Variants in CBR4 observed in about 807,000 individuals in gnomAD.
The protein encoded by CBR4 is carbonyl reductase 4, also known as 3-oxoacyl-[acyl-carrier-protein] reductase.
A neutral mutation model predicts 21.0 loss-of-function variants in CBR4; 22 were observed. The ratio of observed to expected loss-of-function variants is 1.05; its 90% confidence interval spans 0.75 to 1.50. The LOEUF (loss-of-function observed/expected upper bound fraction) is 1.50. Among genes scored for constraint, CBR4 ranks in the 40% most tolerant of loss-of-function variants. The pLI, the probability that CBR4 is intolerant of heterozygous loss-of-function variation, is 0.00. For missense variants in CBR4, 302 were observed against 286.3 expected (o/e 1.05, Z -0.40); for synonymous variants, 100 against 104.4 (o/e 0.96, Z 0.26).
chr4:168,898,633 G>A lies in CBR4; in HGVS notation n.170-3868C>T. 1.9e-6 allele frequency: 3 copies of A among 1,614,164 alleles called. No individual in the cohort carries two copies. The highest frequency in any genetic ancestry group is 2.5e-6 in the Non-Finnish European group (3 of 1,179,986). On this transcript the variant is annotated intron_variant and non_coding_transcript_variant, in intron 2 of 3. Coordinates refer to the CBR4 transcript ENST00000509108. ...AAAATGGAATGGCACCATTCTTTGA[G>A]ATGAAGCTGAAACATTACAAGATCT...
At position 168,987,891 on chromosome 4, in the gene CBR4, G is replaced by C. The variant is rs1212922746; in HGVS notation, c.*2259C>G. On this transcript the variant is annotated 3_prime_UTR_variant, in exon 5 of 5. Transcript: ENST00000306193. ...TTGAATATGAATAAAATATGAAAAA[G>C]AGCACAAATTTTAAAGCCCTCCATG... 28 of 981,304 alleles carry C rather than the reference G, an allele frequency of 2.9e-5. No individual in the cohort carries two copies. Among genetic ancestry groups the C allele is most frequent in the Non-Finnish European group, 2.9e-5 (24 of 826,484 alleles). 60.8% of individuals were successfully genotyped at this position (981,304 alleles called of 1,614,324 possible). A position where few individuals can be genotyped will look rare whatever the true frequency, so the allele number is the denominator to read the frequency against.
intron 2 of CBR4, among the ~76,000 whole-genome samples, chr4:168,922,838 G>A (rs900268467): frequency 5.3e-5 from 8 of 152,112 alleles, no homozygotes; most frequent in Non-Finnish European, 8.8e-5. Flanking sequence ...ACCTCAGTGC[G>A]CATCAGCTGG....
chr4:168,985,979 A>G (rs1414573035), downstream of CBR4, among the ~76,000 whole-genome samples: 1 of 152,044 alleles, frequency 6.6e-6, no homozygotes, highest in African/African-American at 2.4e-5. Flanking sequence ...CCTGGGTGAC[A>G]AAATTATCTG....
chr4:168,909,954 A>T (rs1758573806), intron 2 of CBR4, among the ~76,000 whole-genome samples: 1 of 152,190 alleles, frequency 6.6e-6, no homozygotes, highest in Non-Finnish European at 1.5e-5. Context: ...TTGGTTAGTA[A>T]TATATTTAGC....
chr4:168,965,259 A>C (rs1005355732), intron 2 of CBR4, among the ~76,000 whole-genome samples: 1 of 152,214 alleles, frequency 6.6e-6, no homozygotes, highest in African/African-American at 2.4e-5. Flanking sequence ...ATAAAAGAGG[A>C]CACAAACAAA....
chr4:169,005,923 G>C (rs1056846431), intron 3 of CBR4: 2 of 1,284,148 alleles, frequency 1.6e-6, no homozygotes, highest in Non-Finnish European at 2.0e-6. Flanking sequence ...GCCTTTTAAG[G>C]TATTACCATT....
At chr4:168,935,454 AGTGG>A (rs1763083946) in intron 2 of CBR4, among the ~76,000 whole-genome samples, 1 of 152,132 alleles carries the variant, frequency 6.6e-6, no homozygotes, top group African/African-American at 2.4e-5. Flanking sequence ...TAGGGAGCCA[AGTGG>A]TCTAGCTCAG....
At chr4:168,981,505 C>A (rs1008829559) in intron 2 of CBR4, among the ~76,000 whole-genome samples, 6 of 152,014 alleles carry the variant, frequency 3.9e-5, no homozygotes, top group African/African-American at 1.5e-4. Context: ...AATAGCAGAA[C>A]AGATCAAGCT....
chr4:169,002,016 C>T (rs761438934), intron 4 of CBR4, 55 bp downstream of exon 4: 28 of 1,361,556 alleles, frequency 2.1e-5, no homozygotes, highest in Middle Eastern at 2.7e-4. Flanking sequence ...CAAATAATGG[C>T]TTCCCTATAA....
intron 2 of CBR4, among the ~76,000 whole-genome samples, chr4:168,936,008 G>A (rs1039634017): frequency 3.3e-5 from 5 of 152,264 alleles, no homozygotes; most frequent in East Asian, 1.9e-4. Context: ...AGCAGGGGTC[G>A]ACAGACATCT....
intron 2 of CBR4, among the ~76,000 whole-genome samples, chr4:168,970,479 TA>T (rs1380985222): frequency 1.3e-5 from 2 of 152,184 alleles, no homozygotes; most frequent in Non-Finnish European, 2.9e-5. Context: ...TTGAATAGAC[TA>T]TTTTTTTCAA....
intron 2 of CBR4, among the ~76,000 whole-genome samples, chr4:168,924,013 G>A (rs1256193496): frequency 6.6e-6 from 1 of 152,198 alleles, no homozygotes; most frequent in African/African-American, 2.4e-5. Context: ...GAAGCAGATG[G>A]CCAGTGGACA....
chr4:168,911,015 C>T (rs1758835143), intron 2 of CBR4, among the ~76,000 whole-genome samples: 1 of 152,180 alleles, frequency 6.6e-6, no homozygotes, highest in Non-Finnish European at 1.5e-5. Flanking sequence ...CATGATAACA[C>T]AGTACCAGCT....
chr4:168,981,679 T>C (rs1429731137), intron 2 of CBR4, among the ~76,000 whole-genome samples: 1 of 152,096 alleles, frequency 6.6e-6, no homozygotes, highest in East Asian at 1.9e-4. Context: ...GTAGGTCATA[T>C]ACAAAGGAAA....
rs149619290 is a variant in CBR4, at chr4:168,903,705, T to C, written n.170-8940A>G. On this transcript the variant is annotated intron_variant and non_coding_transcript_variant, in intron 2 of 3. Transcript: ENST00000509108. Reference sequence around the variant, plus strand: ...CTGTTACTATTTTCAGTTCTCCAAATAGAGTAGGAATACACAAACTCCTAA... The same window carrying C: ...CTGTTACTATTTTCAGTTCTCCAAACAGAGTAGGAATACACAAACTCCTAA... 4.0e-4 allele frequency: 572 copies of C among 1,437,948 alleles called. No individual in the cohort carries two copies. In the African/African-American group the frequency reaches 6.3e-3, roughly 16 times the overall value. 89.1% of individuals were successfully genotyped at this position (1,437,948 alleles called of 1,614,324 possible).
chr4:168,983,653 A>G (rs963306985), downstream of CBR4, among the ~76,000 whole-genome samples: 2 of 152,154 alleles, frequency 1.3e-5, no homozygotes, highest in Non-Finnish European at 2.9e-5. Context: ...AGATGCAAAA[A>G]TCCTCAACAA....
chr4:168,933,946 T>G (rs1369285193), intron 2 of CBR4, among the ~76,000 whole-genome samples: 1 of 152,080 alleles, frequency 6.6e-6, no homozygotes, highest in Admixed American at 6.5e-5. Flanking sequence ...GAAGTAAATT[T>G]TAAAATTCCT....
At chr4:168,918,325 G>GATAGATATATAT (rs1553981957) in intron 2 of CBR4, among the ~76,000 whole-genome samples, 1 of 149,460 alleles carries the variant, frequency 6.7e-6, no homozygotes, top group East Asian at 2.0e-4. Context: ...GAAAATATGA[G>GATAGATATATAT]ATATATATAT....
At chr4:168,961,611 C>T (rs929183111) in intron 2 of CBR4, among the ~76,000 whole-genome samples, 1 of 151,798 alleles carries the variant, frequency 6.6e-6, no homozygotes, top group African/African-American at 2.4e-5. Flanking sequence ...AAAAAGAGAC[C>T]GGGTGTGGTG....
Sources: allele counts gnomAD v4.1 joint callset (sites outside exome capture counted in the v4.1 genomes callset), GRCh38; gene constraint gnomAD v4.1.1; transcripts MANE v1.5; gene names NCBI Gene and HGNC (gene_info 2026-07-23, HGNC 2026-07-21).